Variants in LRRC4C observed in about 807,000 individuals in gnomAD.
The protein encoded by LRRC4C is leucine-rich repeat-containing protein 4C.
A neutral mutation model predicts 33.6 loss-of-function variants in LRRC4C; 5 were observed. That is an observed-to-expected ratio of 0.15 (90% CI 0.08 to 0.31). The LOEUF is 0.31. Ranked by LOEUF, LRRC4C falls within the 10% of genes least tolerant of loss-of-function variation. LRRC4C has a pLI of 1.00. For missense variants in LRRC4C, 560 were observed against 796.7 expected, an observed-to-expected ratio of 0.70 and a Z score of 3.58; for synonymous variants, 329 against 302.0, an observed-to-expected ratio of 1.09 and a Z score of -0.93.
chr11:40,431,148 A>C (rs1297537583), intron 3 of LRRC4C, among the ~76,000 whole-genome samples: 1 of 151,250 alleles, frequency 6.6e-6, no homozygotes, highest in Admixed American at 6.6e-5. Flanking sequence ...AAAAAAAAAA[A>C]AAAAAAAGAA....
chr11:41,064,213 A>G (rs1938028410), intron 1 of LRRC4C, among the ~76,000 whole-genome samples: 1 of 152,214 alleles, frequency 6.6e-6, no homozygotes, highest in East Asian at 1.9e-4. Context: ...ATGGTGCCAT[A>G]GTTTAGTATT....
rs557085545 is a variant in LRRC4C at position 41,137,384 on chromosome 11, A to G, written c.-495-203661T>C. 2.0e-5 allele frequency among the ~76,000 whole-genome samples: 3 copies of G among 152,350 alleles called. No homozygotes were observed. In the South Asian group the frequency reaches 6.2e-4, roughly 32 times the overall value. ...AGGAATGACAGTGTCTTTATGTGAG[A>G]TTAATATGACACTATTATTATGTAT... On this transcript the variant is annotated intron_variant, in intron 1 of 6. Transcript: ENST00000528697.
intron 3 of LRRC4C, among the ~76,000 whole-genome samples, chr11:40,522,091 C>T (rs959504303): frequency 2.0e-5 from 3 of 152,136 alleles, no homozygotes; most frequent in Non-Finnish European, 4.4e-5. Flanking sequence ...GGCACAATCT[C>T]GGCCCACTGC....
At chr11:41,445,901 G>C (rs1955811011) in intron 1 of LRRC4C, among the ~76,000 whole-genome samples, 1 of 52,266 alleles carries the variant, frequency 1.9e-5, no homozygotes, top group Non-Finnish European at 4.7e-5. Flanking sequence ...TACGTGTTAT[G>C]TAAAACTTAC....
chr11:40,519,785 A>G (rs939841427), intron 3 of LRRC4C, among the ~76,000 whole-genome samples: 2 of 152,214 alleles, frequency 1.3e-5, no homozygotes, highest in African/African-American at 4.8e-5. Flanking sequence ...GAAGATGTTG[A>G]TTCCAATCCT....
intron 1 of LRRC4C, among the ~76,000 whole-genome samples, chr11:41,071,917 A>G (rs1349705997): frequency 6.6e-6 from 1 of 152,198 alleles, no homozygotes; most frequent in Non-Finnish European, 1.5e-5. Context: ...TCAAGACTTT[A>G]GTGGAGGAAG....
chr11:40,959,566 T>C (rs1257106437), intron 1 of LRRC4C, among the ~76,000 whole-genome samples: 3 of 151,796 alleles, frequency 2.0e-5, no homozygotes, highest in African/African-American at 4.8e-5. Context: ...TAAGTACACA[T>C]GTAAGACTTT....
intron 3 of LRRC4C, among the ~76,000 whole-genome samples, chr11:40,336,265 T>C (rs1024624578): frequency 1.3e-5 from 2 of 152,170 alleles, no homozygotes; most frequent in African/African-American, 4.8e-5. Flanking sequence ...ATATCCCAGT[T>C]TTTTCTATGG....
chr11:40,908,062 A>C (rs1956502106), intron 2 of LRRC4C, among the ~76,000 whole-genome samples: 1 of 152,178 alleles, frequency 6.6e-6, no homozygotes, highest in African/African-American at 2.4e-5. Context: ...CAGAAAAAGC[A>C]AGGATTTTTT....
intron 4 of LRRC4C, among the ~76,000 whole-genome samples, chr11:40,296,793 G>A (rs1031406659): frequency 1.1e-4 from 17 of 152,140 alleles, no homozygotes; most frequent in Non-Finnish European, 2.4e-4. Context: ...CAGAGTATGT[G>A]TTCAAGTAAA....
intron 3 of LRRC4C, among the ~76,000 whole-genome samples, chr11:40,604,003 G>A (rs1960299915): frequency 6.6e-6 from 1 of 152,034 alleles, no homozygotes; most frequent in South Asian, 2.1e-4. Flanking sequence ...TAGACGTTGG[G>A]TCATAATGAA....
chr11:40,961,993 C>G (rs1467671808), intron 1 of LRRC4C, among the ~76,000 whole-genome samples: 1 of 151,468 alleles, frequency 6.6e-6, no homozygotes, highest in Non-Finnish European at 1.5e-5. Context: ...GACCCAGAAA[C>G]TGACTGATCT....
chr11:40,686,497 C>A (rs573845790), intron 2 of LRRC4C, among the ~76,000 whole-genome samples: 1 of 151,814 alleles, frequency 6.6e-6, no homozygotes, highest in Non-Finnish European at 1.5e-5. Flanking sequence ...TCACCGGGGG[C>A]GGCCCAGACG....
intron 1 of LRRC4C, among the ~76,000 whole-genome samples, chr11:41,075,027 T>TTTATTTTTTTTA (rs1939022862): frequency 6.8e-5 from 7 of 102,976 alleles, no homozygotes; most frequent in African/African-American, 8.7e-5. Flanking sequence ...TTTTTTTTTT[T>TTTATTTTTTTTA]TTTTTTTTTA....
In LRRC4C at chr11:40,942,539, G is replaced by A. The variant is rs140313239; in HGVS notation, c.-495-8816C>T. Among the ~76,000 whole-genome samples the A allele has an allele frequency of 8.9e-3, 1,354 of 152,242 alleles. 14 individuals carry two copies. Among genetic ancestry groups the A allele is most frequent in the Middle Eastern group, 0.051 (15 of 294 alleles). On this transcript the variant is annotated intron_variant, in intron 1 of 6. Transcript: ENST00000528697. ...AGGACAACATGGTGAGTGTGGGGGC[G>A]TTGCAAGTAGTGCACTAGAGTTGGA...
At chr11:40,119,834 C>A (rs1855699003) in intron 6 of LRRC4C, among the ~76,000 whole-genome samples, 1 of 152,100 alleles carries the variant, frequency 6.6e-6, no homozygotes, top group African/African-American at 2.4e-5. Context: ...ACCCCAGTCA[C>A]CTTCTTTATC....
At chr11:41,157,900 C>A (rs1027972529) in intron 1 of LRRC4C, among the ~76,000 whole-genome samples, 3 of 152,084 alleles carry the variant, frequency 2.0e-5, no homozygotes, top group African/African-American at 7.2e-5. Context: ...GTGTTACAAA[C>A]AATCCAATTA....
At chr11:41,122,575 C>T (rs959757616) in intron 1 of LRRC4C, among the ~76,000 whole-genome samples, 7 of 151,500 alleles carry the variant, frequency 4.6e-5, no homozygotes, top group African/African-American at 1.7e-4. Flanking sequence ...ATTTCTTGTG[C>T]CAATCATCAT....
At chr11:41,247,268 C>T (rs148435431) in intron 1 of LRRC4C, among the ~76,000 whole-genome samples, 76 of 152,318 alleles carry the variant, frequency 5.0e-4, no homozygotes, top group African/African-American at 1.8e-3. Flanking sequence ...CTCCTCCTTC[C>T]TAAAAATCCC....
Sources: gnomAD v4.1 joint callset for allele counts (sites outside exome capture counted in the v4.1 genomes callset) on GRCh38, gnomAD v4.1.1 for gene constraint, MANE v1.5 for transcripts, NCBI Gene and HGNC (gene_info 2026-07-23, HGNC 2026-07-21) for gene names.